Variants in MIX23 observed in about 807,000 individuals in gnomAD.
The protein encoded by MIX23 is mitochondrial matrix import factor 23, also known as protein MIX23.
A neutral mutation model predicts 21.6 loss-of-function variants in MIX23; 13 were observed. The observed-to-expected ratio is 0.60, with a 90% confidence interval of 0.39 to 0.96. The LOEUF (loss-of-function observed/expected upper bound fraction) is 0.96. Among genes scored for constraint, MIX23 ranks in the 40% least tolerant of loss-of-function variants. The pLI is 0.00. For synonymous variants in MIX23, 59 were observed against 58.0 expected (o/e 1.02, Z -0.08); for missense variants, 144 against 171.2 (o/e 0.84, Z 0.89).
At chr3:122,374,207 G>T (rs1435762848) in intron 1 of MIX23, among the ~76,000 whole-genome samples, 1 of 150,340 alleles carries the variant, frequency 6.7e-6, no homozygotes, top group Non-Finnish European at 1.5e-5. Flanking sequence ...GGGTTAAGTT[G>T]TGCCTTTTGG....
chr3:122,374,131 CT>C (rs2075465242), intron 1 of MIX23, among the ~76,000 whole-genome samples: 1 of 147,072 alleles, frequency 6.8e-6, no homozygotes, highest in Non-Finnish European at 1.5e-5. Flanking sequence ...AAAAAAAAGC[CT>C]CTTTAAATTC....
At chr3:122,372,698 G>A (rs1055446346) in intron 1 of MIX23, among the ~76,000 whole-genome samples, 1 of 151,932 alleles carries the variant, frequency 6.6e-6, no homozygotes, top group African/African-American at 2.4e-5. Context: ...CGGACATGGT[G>A]ACTCATGCCT....
At chr3:122,379,679 C>T (rs2075515430) in intron 1 of MIX23, among the ~76,000 whole-genome samples, 1 of 152,186 alleles carries the variant, frequency 6.6e-6, no homozygotes, top group South Asian at 2.1e-4. Flanking sequence ...TAAACTGCAA[C>T]ACCTGTCCAC....
At chr3:122,381,748 AGAG>A in intron 1 of MIX23, among the ~76,000 whole-genome samples, 1 of 151,348 alleles carries the variant, frequency 6.6e-6, no homozygotes, top group Non-Finnish European at 1.5e-5. Context: ...AAAAAAAAGA[AGAG>A]GAGGAAGAGA....
At chr3:122,368,373 A>T in intron 2 of MIX23, 51 bp from the exon 3 acceptor site, 1 of 1,500,686 alleles carries the variant, frequency 6.7e-7, no homozygotes. Flanking sequence ...TAAATTTATC[A>T]CATTTTAGTG....
intron 2 of MIX23, among the ~76,000 whole-genome samples, chr3:122,371,335 G>A (rs574502355): frequency 1.3e-5 from 2 of 152,312 alleles, no homozygotes; most frequent in East Asian, 1.9e-4. Flanking sequence ...TAGGACTGAC[G>A]TGCTCACATT....
At chr3:122,371,639 CATG>C (rs759590654) in intron 2 of MIX23, 33 bp downstream of exon 2, 4 of 1,607,934 alleles carry the variant, frequency 2.5e-6, no homozygotes, top group Non-Finnish European at 3.4e-6. Context: ...CAAAGAAAGG[CATG>C]AAAGAAGCAA....
intron 1 of MIX23, among the ~76,000 whole-genome samples, chr3:122,381,204 C>T (rs928799269): frequency 2.0e-5 from 3 of 152,002 alleles, no homozygotes; most frequent in Admixed American, 6.6e-5. Context: ...ATTTTATAGC[C>T]CTACTTAGAT....
chr3:122,379,883 A>C (rs2075517211), intron 1 of MIX23, among the ~76,000 whole-genome samples: 1 of 152,210 alleles, frequency 6.6e-6, no homozygotes, highest in Non-Finnish European at 1.5e-5. Context: ...CTCTCATTGT[A>C]GGCTGACTCT....
intron 1 of MIX23, among the ~76,000 whole-genome samples, chr3:122,375,344 A>G (rs1414664127): frequency 6.6e-6 from 1 of 152,218 alleles, no homozygotes; most frequent in Non-Finnish European, 1.5e-5. Context: ...TGGGGAAGGA[A>G]GAGACTTGGA....
intron 3 of MIX23, chr3:122,365,412 G>A (rs1463459952): frequency 6.6e-6 from 1 of 151,992 alleles, no homozygotes; most frequent in Non-Finnish European, 1.5e-5. Context: ...AAATGAAGAG[G>A]TAGAGCTGTA....
intron 1 of MIX23, among the ~76,000 whole-genome samples, chr3:122,381,633 G>A (rs771891600): frequency 9.9e-5 from 15 of 151,562 alleles, no homozygotes; most frequent in Admixed American, 2.0e-4. Context: ...GAGGAGAATC[G>A]CTTGAACTCG....
At chr3:122,371,857 TA>T in intron 1 of MIX23, 57 bp from the exon 2 acceptor site, 1 of 1,398,598 alleles carries the variant, frequency 7.2e-7, no homozygotes. Flanking sequence ...TGACAAAAAA[TA>T]AGCATTTAAG....
At chr3:122,366,991 A>G (rs2075401656) in intron 3 of MIX23, among the ~76,000 whole-genome samples, 1 of 152,180 alleles carries the variant, frequency 6.6e-6, no homozygotes, top group Non-Finnish European at 1.5e-5. Flanking sequence ...TCCTGTAGGA[A>G]AAGTCCCTGT....
At chr3:122,363,489 G>A (rs1481891609) in intron 3 of MIX23, among the ~76,000 whole-genome samples, 2 of 151,678 alleles carry the variant, frequency 1.3e-5, no homozygotes, top group Non-Finnish European at 2.9e-5. Context: ...ATCTATGGAG[G>A]GCAATTTGGC....
intron 1 of MIX23, among the ~76,000 whole-genome samples, chr3:122,374,612 G>A (rs1359256092): frequency 6.6e-6 from 1 of 151,954 alleles, no homozygotes. Context: ...AACTATCTTC[G>A]ATCCACGGTT....
intron 1 of MIX23, among the ~76,000 whole-genome samples, chr3:122,382,614 G>A (rs775244399): frequency 1.3e-5 from 2 of 152,092 alleles, no homozygotes; most frequent in South Asian, 2.1e-4. Context: ...TTAGCCCTAG[G>A]TCTCTGATAT....
intron 3 of MIX23, chr3:122,365,727 A>C (rs1301680166): frequency 6.6e-6 from 1 of 152,162 alleles, no homozygotes; most frequent in Non-Finnish European, 1.5e-5. Context: ...GCTCTCCACT[A>C]ATGAGTCACT....
chr3:122,369,529 C>A (rs1271151465), intron 2 of MIX23, among the ~76,000 whole-genome samples: 1 of 152,146 alleles, frequency 6.6e-6, no homozygotes, highest in African/African-American at 2.4e-5. Flanking sequence ...CAGGCTCGAT[C>A]CCTGGCACAA....
Sources: allele counts gnomAD v4.1 joint callset (sites outside exome capture counted in the v4.1 genomes callset), GRCh38; gene constraint gnomAD v4.1.1; transcripts MANE v1.5; gene names NCBI Gene and HGNC (gene_info 2026-07-23, HGNC 2026-07-21).